The following XPA variants were observed in gnomAD, a reference collection of about 807,000 sequenced individuals.
XPA encodes the protein DNA repair protein complementing XP-A cells.
XPA carries 27 observed loss-of-function variants against 35.7 expected under a neutral mutation model. The ratio of observed to expected loss-of-function variants is 0.76; its 90% CI spans 0.56 to 1.04. The LOEUF is 1.04. Among genes scored for constraint, XPA ranks in the 50% least tolerant of loss-of-function variants. The pLI, the probability that XPA is intolerant of heterozygous loss-of-function variation, is 0.00. For synonymous variants in XPA, 133 were observed against 118.4 expected, an observed-to-expected ratio of 1.12 and a Z score of -0.80; for missense variants, 354 against 342.7, an observed-to-expected ratio of 1.03 and a Z score of -0.26.
the XPA span, among the ~76,000 whole-genome samples, chr9:97,661,766 G>C: frequency 2.3e-5 from 3 of 130,130 alleles, no homozygotes; most frequent in South Asian, 5.2e-4. Flanking sequence ...TAATATAATA[G>C]AGGCTATGAA....
chr9:97,679,597 G>A (rs2131385244), intron 5 of XPA, among the ~76,000 whole-genome samples: 1 of 152,080 alleles, frequency 6.6e-6, no homozygotes, highest in Admixed American at 6.6e-5. Flanking sequence ...CTTTCCAAAA[G>A]CCAAATAACA....
chr9:97,674,463 G>C (rs2131377515), downstream of XPA, among the ~76,000 whole-genome samples: 1 of 151,992 alleles, frequency 6.6e-6, no homozygotes, highest in East Asian at 1.9e-4. Context: ...TATTCTATTT[G>C]TACAGTAGGA....
chr9:97,659,499 A>G, the XPA span, among the ~76,000 whole-genome samples: 2 of 152,088 alleles, frequency 1.3e-5, no homozygotes, highest in Non-Finnish European at 2.9e-5. Context: ...TACATTTCCT[A>G]TTTCATTATG....
Position 97,675,259 on chromosome 9 carries a change from C to T in XPA, c.*180G>A. ...TTGTGCACACAACCAGGCCAGGTGA[C>T]CTTCACTGAAACTTGCTTTTAAGCC... On this transcript the variant is annotated 3_prime_UTR_variant, in exon 6 of 6. Transcript: ENST00000375128. The T allele has an allele frequency of 4.0e-6, 3 of 744,160 alleles. No individual in the cohort carries two copies. Among genetic ancestry groups the T allele is most frequent in the Non-Finnish European group, 4.6e-6 (2 of 438,274 alleles). The allele number at this position is 744,160 out of a possible 1,614,324, so 46.1% of individuals were successfully genotyped here.
intron 1 of XPA, among the ~76,000 whole-genome samples, chr9:97,696,486 G>T (rs1283796812): frequency 2.6e-5 from 4 of 152,140 alleles, no homozygotes; most frequent in Admixed American, 6.5e-5. Flanking sequence ...TAGACTCATG[G>T]AATCTATGGA....
chr9:97,671,041 A>G (rs374325974), downstream of XPA: 58 of 1,289,090 alleles, frequency 4.5e-5, no homozygotes, highest in African/African-American at 6.9e-4. Context: ...AAGATTGCTT[A>G]TATGCTTTTT....
chr9:97,689,502 T>G, intron 3 of XPA, 32 bp downstream of exon 3: 1 of 1,341,238 alleles, frequency 7.5e-7, no homozygotes, highest in Non-Finnish European at 1.1e-6. Context: ...ACATAAACAT[T>G]AGCAATTAAG....
downstream of XPA, among the ~76,000 whole-genome samples, chr9:97,670,895 A>AT (rs906628206): frequency 1.3e-5 from 2 of 151,752 alleles, no homozygotes; most frequent in African/African-American, 4.8e-5. Context: ...TTGAGCATCC[A>AT]TTTTTTTCAT....
the XPA span, among the ~76,000 whole-genome samples, chr9:97,665,751 C>T: frequency 7.3e-6 from 1 of 137,600 alleles, no homozygotes; most frequent in Admixed American, 7.2e-5. Context: ...ACCGACTTCG[C>T]CCCACCCACC....
In XPA at chr9:97,687,131, G is replaced by A; in HGVS notation, c.520C>T (p.Gln174Ter). 6.2e-7 allele frequency: 1 copy of A among 1,612,512 alleles called. No individual in the cohort carries two copies. The highest frequency in any genetic ancestry group is 8.5e-7 in the Non-Finnish European group (1 of 1,179,612). The change falls in exon 4 of 6, where the codon CAA (glutamine) becomes TAA (stop). Residue 174 changes from glutamine to a stop codon, truncating the protein, a stop_gained. Coordinates refer to ENST00000375128, the MANE Select transcript of XPA (RefSeq NM_000380.4). LOFTEE classifies it high-confidence loss of function. Reference sequence around the variant, plus strand: ...AAGTAGAGTTTCATATCACCCCATTGTGAATGATGTGGATTCTTCTTCACA... The same window carrying A: ...AAGTAGAGTTTCATATCACCCCATTATGAATGATGTGGATTCTTCTTCACA... Reference protein sequence around the residue: ...FIVKKNPHHSQWGDMKLYLKL... With the variant: ...FIVKKNPHHS
chr9:97,675,097 A>G lies in XPA; in HGVS notation c.*342T>C. On this transcript the variant is annotated 3_prime_UTR_variant, in exon 6 of 6. Transcript: ENST00000375128. ...TAAGAATCCAGTTCAGCCTTTGTTGAACCCTTTTCCCTCTACCCCAATCTA... is the reference window on the plus strand; with the variant it reads ...TAAGAATCCAGTTCAGCCTTTGTTGGACCCTTTTCCCTCTACCCCAATCTA... 1.8e-6 allele frequency: 1 copy of G among 542,680 alleles called. No homozygotes were observed. Among genetic ancestry groups the G allele is most frequent in the Non-Finnish European group, 3.5e-6 (1 of 282,672 alleles). The allele number at this position is 542,680 out of a possible 1,614,324, so 33.6% of individuals were successfully genotyped here.
chr9:97,665,426 C>T, the XPA span, among the ~76,000 whole-genome samples: 933 of 152,292 alleles, frequency 6.1e-3, 13 homozygotes, highest in African/African-American at 0.022. Context: ...AGTGCTTTAT[C>T]CTGCCCAAAG....
chr9:97,669,669 A>C, the XPA span: 4 of 1,610,270 alleles, frequency 2.5e-6, no homozygotes, highest in African/African-American at 1.3e-5. Context: ...CCATGGTATA[A>C]GAACTGTATA....
At chr9:97,658,185 CTG>C in the XPA span, among the ~76,000 whole-genome samples, 1 of 152,102 alleles carries the variant, frequency 6.6e-6, no homozygotes, top group African/African-American at 2.4e-5. Flanking sequence ...CCATCCATAA[CTG>C]TTTTTATGTC....
downstream of XPA, chr9:97,671,293 T>C (rs549223716): frequency 3.6e-5 from 31 of 868,592 alleles, no homozygotes; most frequent in Admixed American, 8.1e-4. Flanking sequence ...TCTTGTAGTA[T>C]CCTTTCACTT....
chr9:97,656,750 G>A, the XPA span, among the ~76,000 whole-genome samples: 1 of 152,034 alleles, frequency 6.6e-6, no homozygotes, highest in South Asian at 2.1e-4. Context: ...TTGAGAATAA[G>A]CTGCATACCC....
chr9:97,661,262 A>G, the XPA span, among the ~76,000 whole-genome samples: 1 of 152,188 alleles, frequency 6.6e-6, no homozygotes, highest in Non-Finnish European at 1.5e-5. Flanking sequence ...GATATAGCTT[A>G]CTTAAGAATA....
the XPA span, among the ~76,000 whole-genome samples, chr9:97,657,885 G>GCGCTCTCTCTCT: frequency 2.6e-5 from 3 of 114,028 alleles, no homozygotes; most frequent in African/African-American, 1.1e-4. Flanking sequence ...GCCCCGGTAA[G>GCGCTCTCTCTCT]CTCTCTCTCT....
the XPA span, among the ~76,000 whole-genome samples, chr9:97,659,619 T>A: frequency 6.6e-6 from 1 of 152,208 alleles, no homozygotes; most frequent in African/African-American, 2.4e-5. Context: ...AATTCAGGCG[T>A]AGGTGCACTA....
Sources: allele counts gnomAD v4.1 joint callset (sites outside exome capture counted in the v4.1 genomes callset), GRCh38; gene constraint gnomAD v4.1.1; transcripts MANE v1.5; gene names NCBI Gene and HGNC (gene_info 2026-07-23, HGNC 2026-07-21).